The following PPFIBP2 variants were observed in gnomAD, a reference collection of about 807,000 sequenced individuals.
The protein encoded by PPFIBP2 is PPFIB scaffold protein 2, also known as liprin-beta-2.
PPFIBP2 carries 118 observed loss-of-function variants against 118.3 expected under a neutral mutation model. That is an observed-to-expected ratio of 1.00 (90% CI 0.86 to 1.16). PPFIBP2 has a LOEUF of 1.16. Among genes scored for constraint, PPFIBP2 ranks in the 50% most tolerant of loss-of-function variants. The pLI is 0.00. For missense variants in PPFIBP2, 1,195 were observed against 1,073.1 expected (o/e 1.11, Z -1.59); for synonymous variants, 414 against 397.4 (o/e 1.04, Z -0.50).
intron 6 of PPFIBP2, among the ~76,000 whole-genome samples, chr11:7,612,549 G>T (rs11603007): frequency 0.052 from 7,963 of 152,282 alleles, 269 homozygotes; most frequent in Middle Eastern, 0.088. Context: ...CACTAATGCA[G>T]TCATTTTACT....
intron 6 of PPFIBP2, among the ~76,000 whole-genome samples, chr11:7,614,902 A>G (rs774039822): frequency 6.6e-6 from 1 of 152,234 alleles, no homozygotes; most frequent in African/African-American, 2.4e-5. Flanking sequence ...AGGTTAAAAC[A>G]CAGGACAGCA....
downstream of PPFIBP2, among the ~76,000 whole-genome samples, chr11:7,659,503 C>T (rs529511854): frequency 1.3e-5 from 2 of 150,416 alleles, no homozygotes; most frequent in East Asian, 1.9e-4. Context: ...TTCCATTGAT[C>T]TATATCTCTG....
the PPFIBP2 span, chr11:7,665,514 C>T: frequency 3.1e-5 from 50 of 1,612,238 alleles, no homozygotes; most frequent in Middle Eastern, 3.3e-4. Context: ...TTGATCATGT[C>T]GGCAGTAACG....
chr11:7,530,317 C>A (rs973753927), intron 1 of PPFIBP2, among the ~76,000 whole-genome samples: 3 of 151,494 alleles, frequency 2.0e-5, no homozygotes, highest in African/African-American at 7.3e-5. Flanking sequence ...GAATCCAGCT[C>A]ATAAGTAGTG....
chr11:7,534,850 G>A lies in PPFIBP2; in HGVS notation c.-36-14590G>A, dbSNP rs182980529. 5.1e-4 allele frequency among the ~76,000 whole-genome samples: 77 copies of A among 152,314 alleles called. 1 individual carries two copies. The South Asian group carries it at 0.014, about 28-fold the overall frequency. On this transcript the variant is annotated intron_variant, in intron 1 of 23. Transcript: ENST00000299492. ...ACGCAAATGCCTGCTTTCCCAGACC[G>A]CCTTCCTGGCCTTACCCCACCTGGC...
intron 4 of PPFIBP2, among the ~76,000 whole-genome samples, chr11:7,596,190 A>G (rs1340867155): frequency 6.6e-6 from 1 of 152,220 alleles, no homozygotes; most frequent in Admixed American, 6.5e-5. Flanking sequence ...AACCCTCATA[A>G]TAAGATTAAC....
chr11:7,549,680 A>T, intron 2 of PPFIBP2, 141 bp downstream of exon 2: 2 of 863,992 alleles, frequency 2.3e-6, no homozygotes. Flanking sequence ...GTTATTGTGT[A>T]TGTAATCTCT....
chr11:7,527,322 A>G (rs1014154631), intron 1 of PPFIBP2, among the ~76,000 whole-genome samples: 2 of 152,016 alleles, frequency 1.3e-5, no homozygotes, highest in Admixed American at 1.3e-4. Flanking sequence ...TCTGGGTGGC[A>G]GGGAAGGAGT....
chr11:7,610,479 A>C, intron 6 of PPFIBP2, 57 bp downstream of exon 6: 1 of 1,588,244 alleles, frequency 6.3e-7, no homozygotes, highest in Non-Finnish European at 8.6e-7. Flanking sequence ...TCATAATGTG[A>C]ATTTAGGCCA....
intron 5 of PPFIBP2, among the ~76,000 whole-genome samples, chr11:7,599,690 G>GCGCGATCT (rs1328113181): frequency 2.7e-5 from 4 of 150,902 alleles, no homozygotes; most frequent in Non-Finnish European, 5.9e-5. Context: ...GAGTGCGGTG[G>GCGCGATCT]CGCGATCTCG....
At chr11:7,634,370 AT>A (rs1167817309) in intron 12 of PPFIBP2, 124 bp from the exon 13 acceptor site, 114 of 705,512 alleles carry the variant, frequency 1.6e-4, no homozygotes, top group South Asian at 2.1e-4. Context: ...ATGAGAGGGT[AT>A]TTTTTTTTCT....
intron 21 of PPFIBP2, 119 bp from the exon 22 acceptor site, chr11:7,650,721 A>G: frequency 9.0e-7 from 1 of 1,107,072 alleles, no homozygotes; most frequent in South Asian, 2.4e-5. Flanking sequence ...ACTAAGCTTG[A>G]GGGCCTTCTA....
At chr11:7,571,707 G>C (rs955231785) in intron 3 of PPFIBP2, 2 of 152,148 alleles carry the variant, frequency 1.3e-5, no homozygotes. Flanking sequence ...CCTGTGACAG[G>C]TGTGAACTTG....
At chr11:7,540,993 A>G (rs899043629) in intron 1 of PPFIBP2, among the ~76,000 whole-genome samples, 2 of 152,198 alleles carry the variant, frequency 1.3e-5, no homozygotes, top group Admixed American at 6.5e-5. Flanking sequence ...GTATGGTAAA[A>G]GTTAAAGCCG....
intron 13 of PPFIBP2, 149 bp from the exon 14 acceptor site, chr11:7,635,403 C>A: frequency 1.3e-6 from 1 of 751,138 alleles, no homozygotes; most frequent in Non-Finnish European, 2.3e-6. Flanking sequence ...CTTTCCTGCC[C>A]TGGATGGTGA....
intron 1 of PPFIBP2, among the ~76,000 whole-genome samples, chr11:7,544,468 T>A (rs1852110049): frequency 6.6e-6 from 1 of 152,112 alleles, no homozygotes; most frequent in African/African-American, 2.4e-5. Flanking sequence ...GTAGCTCTCC[T>A]CTCATTGCTG....
At chr11:7,540,099 G>A (rs990879548) in intron 1 of PPFIBP2, among the ~76,000 whole-genome samples, 2 of 152,212 alleles carry the variant, frequency 1.3e-5, no homozygotes, top group Admixed American at 6.5e-5. Flanking sequence ...TAACTGCTCT[G>A]TGGGTCCTTA....
intron 1 of PPFIBP2, among the ~76,000 whole-genome samples, chr11:7,536,805 C>G (rs191219610): frequency 6.6e-6 from 1 of 152,142 alleles, no homozygotes; most frequent in East Asian, 1.9e-4. Flanking sequence ...GTAGAATGAG[C>G]TGAGGAGCAC....
intron 3 of PPFIBP2, among the ~76,000 whole-genome samples, chr11:7,567,361 T>C (rs1388051701): frequency 6.6e-6 from 1 of 152,232 alleles, no homozygotes; most frequent in Non-Finnish European, 1.5e-5. Context: ...TTGTTGTTGG[T>C]TTTTTCAAGA....
Sources: gnomAD v4.1 joint callset for allele counts (sites outside exome capture counted in the v4.1 genomes callset) on GRCh38, gnomAD v4.1.1 for gene constraint, MANE v1.5 for transcripts, NCBI Gene and HGNC (gene_info 2026-07-23, HGNC 2026-07-21) for gene names.